CWC27: variants seen among roughly 807,000 people sequenced by gnomAD.
CWC27 encodes the protein spliceosome-associated protein CWC27 homolog.
Under a neutral mutation model 63.6 loss-of-function variants are expected in CWC27, and 47 were observed. That is an observed-to-expected ratio of 0.74 (90% CI 0.58 to 0.94). CWC27 has a LOEUF of 0.94. Ranked by LOEUF, CWC27 falls within the 40% of genes least tolerant of loss-of-function variation. The probability of loss-of-function intolerance (pLI) is 0.00; values close to 1 mark genes in which losing one functional copy is unlikely to be tolerated. For missense variants in CWC27, 495 were observed against 554.3 expected (o/e 0.89, Z 1.07); for synonymous variants, 175 against 179.8 (o/e 0.97, Z 0.22).
intron 11 of CWC27, among the ~76,000 whole-genome samples, chr5:64,959,826 AT>A (rs1490489235): frequency 6.6e-6 from 1 of 152,186 alleles, no homozygotes; most frequent in Non-Finnish European, 1.5e-5. Context: ...TTCAGCTACT[AT>A]TTATTTAGCA....
At chr5:64,927,392 G>T (rs778096838) in intron 11 of CWC27, among the ~76,000 whole-genome samples, 2 of 152,078 alleles carry the variant, frequency 1.3e-5, no homozygotes, top group Non-Finnish European at 2.9e-5. Context: ...CTTCTCCAGT[G>T]CCAGCCCTGC....
chr5:64,882,554 A>C (rs1394899712), intron 10 of CWC27, among the ~76,000 whole-genome samples: 2 of 152,168 alleles, frequency 1.3e-5, no homozygotes, highest in African/African-American at 4.8e-5. Context: ...TTTTGGATAT[A>C]TTAAGTATGT....
intron 7 of CWC27, among the ~76,000 whole-genome samples, chr5:64,796,192 C>T (rs970077434): frequency 2.6e-5 from 4 of 151,892 alleles, no homozygotes; most frequent in Non-Finnish European, 5.9e-5. Flanking sequence ...CTGAAGGTCT[C>T]TTAGTGTATT....
At chr5:64,813,986 A>G (rs1257715919) in intron 10 of CWC27, among the ~76,000 whole-genome samples, 2 of 151,884 alleles carry the variant, frequency 1.3e-5, no homozygotes, top group Non-Finnish European at 2.9e-5. Context: ...CCCGTGGCCC[A>G]TGGGTCACAT....
intron 11 of CWC27, 79 bp downstream of exon 11, chr5:64,885,625 C>T (rs1162515000): frequency 1.6e-5 from 16 of 993,012 alleles, no homozygotes; most frequent in South Asian, 2.9e-5. Flanking sequence ...TGCCCGCTCC[C>T]GTATTCATCC....
At chr5:64,810,117 AAT>A (rs1744825696) in intron 10 of CWC27, among the ~76,000 whole-genome samples, 1 of 152,064 alleles carries the variant, frequency 6.6e-6, no homozygotes, top group African/African-American at 2.4e-5. Context: ...TCTGCAGGTG[AAT>A]ATCCAGTTTT....
chr5:64,936,986 CT>C (rs1313329263), intron 11 of CWC27, among the ~76,000 whole-genome samples: 4 of 152,058 alleles, frequency 2.6e-5, no homozygotes, highest in Admixed American at 2.6e-4. Context: ...TGATTCTTCT[CT>C]TTTTTCTTCT....
chr5:64,832,490 G>A (rs139556574), intron 10 of CWC27, among the ~76,000 whole-genome samples: 36 of 150,944 alleles, frequency 2.4e-4, no homozygotes, highest in East Asian at 1.7e-3. Flanking sequence ...TTCAAATATC[G>A]AGTATACCAT....
chr5:64,937,048 G>C (rs941107665), intron 11 of CWC27, among the ~76,000 whole-genome samples: 6 of 152,012 alleles, frequency 3.9e-5, no homozygotes, highest in Non-Finnish European at 7.4e-5. Flanking sequence ...AAAAAATCCA[G>C]CTCCTGGATT....
intron 11 of CWC27, among the ~76,000 whole-genome samples, chr5:64,967,889 G>A (rs1355658696): frequency 6.6e-6 from 1 of 151,968 alleles, no homozygotes; most frequent in Admixed American, 6.6e-5. Context: ...CACAAAAAGT[G>A]TGATATGAAA....
At chr5:64,910,820 T>A (rs6861262) in intron 11 of CWC27, among the ~76,000 whole-genome samples, 14,422 of 152,200 alleles carry the variant, frequency 0.095, 2,088 homozygotes, top group African/African-American at 0.31. Flanking sequence ...GTGCAGTATT[T>A]GGGCAGGAGT....
Position 64,794,009 on chromosome 5 carries a change from G to T in CWC27, c.669+4989G>T, listed in dbSNP as rs557860718. 6.6e-5 allele frequency among the ~76,000 whole-genome samples: 10 copies of T among 152,164 alleles called. No individual in the cohort carries two copies. The East Asian group carries it at 1.7e-3, about 26-fold the overall frequency. ...TAGCTTTCCTTCATTATTTATTTCAGTATCTTTCTACTACCTGATAAAATC... is the reference window on the plus strand; with the variant it reads ...TAGCTTTCCTTCATTATTTATTTCATTATCTTTCTACTACCTGATAAAATC... On this transcript the variant is annotated intron_variant, in intron 7 of 13. Transcript: ENST00000381070.
At chr5:65,008,886 G>T (rs1749895271) in intron 13 of CWC27, among the ~76,000 whole-genome samples, 1 of 152,102 alleles carries the variant, frequency 6.6e-6, no homozygotes, top group South Asian at 2.1e-4. Flanking sequence ...AGTGAGTTGG[G>T]ATCAAATAAG....
intron 11 of CWC27, among the ~76,000 whole-genome samples, chr5:64,921,257 G>A (rs1321530536): frequency 6.6e-6 from 1 of 151,940 alleles, no homozygotes; most frequent in Non-Finnish European, 1.5e-5. Context: ...GATACATCTT[G>A]GTATCTATTT....
At chr5:65,006,960 C>CGAAAGAA (rs1749852587) in intron 13 of CWC27, among the ~76,000 whole-genome samples, 1 of 121,116 alleles carries the variant, frequency 8.3e-6, no homozygotes, top group Admixed American at 9.3e-5. Context: ...TTTAAAAAGA[C>CGAAAGAA]AGAAAGAAAG....
rs115411495 is a variant in CWC27, at chr5:64,939,899, C to T, written c.1043-31804C>T. On this transcript the variant is annotated intron_variant, in intron 11 of 13. Coordinates refer to ENST00000381070, the MANE Select transcript of CWC27 (RefSeq NM_005869.4). ...GCTCCGCCCAGTACTAACTTCTGGT[C>T]GGCTTTGTTTACACTGTGAGGGGAA... Among the ~76,000 whole-genome samples the T allele has an allele frequency of 3.8e-3, 581 of 152,326 alleles. 2 individuals are homozygous for T. The highest frequency in any genetic ancestry group is 0.012 in the African/African-American group (501 of 41,570).
chr5:64,912,560 A>C (rs1377223090), intron 11 of CWC27, among the ~76,000 whole-genome samples: 1 of 152,214 alleles, frequency 6.6e-6, no homozygotes, highest in Non-Finnish European at 1.5e-5. Context: ...GTAGAAAAAA[A>C]AATGCATGTA....
chr5:64,985,166 C>G (rs997652570), intron 13 of CWC27, among the ~76,000 whole-genome samples: 5 of 152,138 alleles, frequency 3.3e-5, no homozygotes, highest in Admixed American at 2.0e-4. Flanking sequence ...ACCACATTTT[C>G]TTGATTACAA....
chr5:64,943,082 G>A (rs1442929024), intron 11 of CWC27, among the ~76,000 whole-genome samples: 1 of 152,016 alleles, frequency 6.6e-6, no homozygotes, highest in Non-Finnish European at 1.5e-5. Context: ...AGGGCATCAG[G>A]TATGCTTTTC....
Sources: allele counts gnomAD v4.1 joint callset (sites outside exome capture counted in the v4.1 genomes callset), GRCh38; gene constraint gnomAD v4.1.1; transcripts MANE v1.5; gene names NCBI Gene and HGNC (gene_info 2026-07-23, HGNC 2026-07-21).